STUM: variants seen among roughly 807,000 people sequenced by gnomAD.
STUM encodes the protein stum, mechanosensory transduction mediator homolog, also known as protein stum homolog.
In STUM, 8 loss-of-function variants were observed where a neutral mutation model predicts 15.3. That is an observed-to-expected ratio of 0.52 (90% confidence interval 0.31 to 0.94). The LOEUF is 0.94. Among genes scored for constraint, STUM ranks in the 40% least tolerant of loss-of-function variants. The pLI, the probability that STUM is intolerant of heterozygous loss-of-function variation, is 0.05. For synonymous variants in STUM, 78 were observed against 88.7 expected, an observed-to-expected ratio of 0.88 and a Z score of 0.68; for missense variants, 142 against 204.9, an observed-to-expected ratio of 0.69 and a Z score of 1.87.
intron 1 of STUM, among the ~76,000 whole-genome samples, chr1:226,593,134 T>C (rs368735723): frequency 2.5e-3 from 353 of 142,608 alleles, no homozygotes; most frequent in South Asian, 8.3e-3. Context: ...TGCAGTGAGC[T>C]GAGATCACAC....
At chr1:226,560,499 A>T (rs560766616) in intron 1 of STUM, among the ~76,000 whole-genome samples, 1 of 152,306 alleles carries the variant, frequency 6.6e-6, no homozygotes, top group African/African-American at 2.4e-5. Flanking sequence ...GTTTCATTTG[A>T]AAAAGAAGCA....
chr1:226,568,385 T>C (rs1392725831), intron 1 of STUM, among the ~76,000 whole-genome samples: 1 of 152,190 alleles, frequency 6.6e-6, no homozygotes. Context: ...CTCCAAGGGC[T>C]TCCCAGGCAT....
At position 226,548,910 on chromosome 1, in the gene STUM, G is replaced by C. The variant is rs1667320070; in HGVS notation, c.6G>C (p.Glu2Asp). The C allele has an allele frequency of 7.1e-7, 1 of 1,417,820 alleles. No homozygotes were observed. The highest frequency in any genetic ancestry group is 9.1e-7 in the Non-Finnish European group (1 of 1,094,096). The allele number at this position is 1,417,820 out of a possible 1,614,324, so 87.8% of individuals were successfully genotyped here. A position where few individuals can be genotyped will look rare whatever the true frequency, so the allele number is the denominator to read the frequency against. ...GCCTGAGAGCGCGCCCGGCCATGGA[G>C]CCCTCGCACAAAGACGCCGAGACGG... M[E>D]PSHKDAETAA... Residue 2 changes from glutamate (E) to aspartate (D), a missense_variant, in exon 1 of 4, where the codon GAG (glutamate) becomes GAC (aspartate). Transcript: ENST00000366788.
At position 226,548,946 on chromosome 1, in the gene STUM, G is replaced by C; in HGVS notation, c.42G>C (p.Ala14=). 1 of 1,458,688 alleles carries C rather than the reference G, an allele frequency of 6.9e-7. No homozygotes were observed. Among genetic ancestry groups the C allele is most frequent in the Non-Finnish European group, 9.0e-7 (1 of 1,110,446 alleles). The allele number at this position is 1,458,688 out of a possible 1,614,324, so 90.4% of individuals were successfully genotyped here. The change falls in exon 1 of 4, where the codon GCG becomes GCC. Residue 14 remains alanine, a synonymous_variant. Coordinates refer to ENST00000366788, the MANE Select transcript of STUM (RefSeq NM_001003665.4). ...SHKDAETAAA[A]AAVAAADPRG... The stretch of plus-strand genomic sequence containing the variant: ...AAGACGCCGAGACGGCGGCGGCGGC[G>C]GCGGCGGTGGCGGCGGCGGACCCCC...
rs1433054702 is a variant in STUM, at chr1:226,549,310, G to T, written c.202+204G>T. 6.6e-6 allele frequency among the ~76,000 whole-genome samples: 1 copy of T among 152,172 alleles called. No individual in the cohort carries two copies. Among genetic ancestry groups the T allele is most frequent in the African/African-American group, 2.4e-5 (1 of 41,460 alleles). ...CCCCAGAGGGGAGAGGCTGCGCTGG[G>T]GTCTCCGACCCGCAGGCGGGGCCCC... On this transcript the variant is annotated intron_variant, in intron 1 of 3. Coordinates refer to ENST00000366788, the MANE Select transcript of STUM (RefSeq NM_001003665.4). This position sits in a 1 kb window ranked among gnomAD's most constrained non-coding sequence, Gnocchi z 6.8.
At chr1:226,581,406 A>C (rs371284829) in intron 1 of STUM, among the ~76,000 whole-genome samples, 44 of 152,172 alleles carry the variant, frequency 2.9e-4, no homozygotes, top group African/African-American at 1.1e-3. Context: ...TTTATAACAG[A>C]ATGAAGTTTA....
intron 1 of STUM, among the ~76,000 whole-genome samples, chr1:226,587,657 C>T (rs1668018342): frequency 6.6e-6 from 1 of 152,108 alleles, no homozygotes; most frequent in Non-Finnish European, 1.5e-5. Flanking sequence ...GGGGAGAGAA[C>T]AGAGGGCCTC....
intron 1 of STUM, among the ~76,000 whole-genome samples, chr1:226,558,075 C>A (rs1667476566): frequency 6.6e-6 from 1 of 152,172 alleles, no homozygotes; most frequent in South Asian, 2.1e-4. Flanking sequence ...AGATCTGGAA[C>A]AGGACAAGGA....
chr1:226,571,233 A>AAAAACAAAACAAAACAAAAC (rs371772503), intron 1 of STUM, among the ~76,000 whole-genome samples: 1 of 151,908 alleles, frequency 6.6e-6, no homozygotes, highest in African/African-American at 2.4e-5. Flanking sequence ...GGACTGTCTC[A>AAAAACAAAACAAAACAAAAC]AAAACAAAAC....
intron 1 of STUM, among the ~76,000 whole-genome samples, chr1:226,551,829 T>C (rs747728892): frequency 1.3e-5 from 2 of 152,138 alleles, no homozygotes; most frequent in Non-Finnish European, 2.9e-5. Flanking sequence ...CAGAAATTCT[T>C]CCTGGGGGCG....
intron 1 of STUM, among the ~76,000 whole-genome samples, chr1:226,562,298 G>A (rs574830353): frequency 5.3e-5 from 8 of 151,900 alleles, no homozygotes; most frequent in South Asian, 2.1e-4. Flanking sequence ...ATGAAACCCC[G>A]TCTCTACTAA....
chr1:226,580,072 A>T lies in STUM; in HGVS notation c.203-16730A>T, dbSNP rs576105642. Among the ~76,000 whole-genome samples the T allele has an allele frequency of 6.6e-5, 10 of 152,290 alleles. No homozygotes were observed. The South Asian group carries it at 1.7e-3, about 25-fold the overall frequency. On this transcript the variant is annotated intron_variant, in intron 1 of 3. Transcript: ENST00000366788. ...CAGGCAAGAGTTGATGGGAACTTGA[A>T]CTAGGAGGCGGTGTTAGCAGAGACA...
intron 1 of STUM, among the ~76,000 whole-genome samples, chr1:226,577,845 G>GGCTGCACAGAGGAGACAGTA (rs1667845064): frequency 6.6e-6 from 1 of 152,168 alleles, no homozygotes; most frequent in African/African-American, 2.4e-5. Flanking sequence ...AGGAGACAGA[G>GGCTGCACAGAGGAGACAGTA]GCTGCACAGA....
intron 1 of STUM, among the ~76,000 whole-genome samples, chr1:226,557,037 T>A (rs1352313300): frequency 6.6e-6 from 1 of 152,188 alleles, no homozygotes; most frequent in Non-Finnish European, 1.5e-5. Context: ...ACTCTATTAT[T>A]AACTATATTT....
At chr1:226,586,353 G>A (rs969199403) in intron 1 of STUM, among the ~76,000 whole-genome samples, 32 of 152,164 alleles carry the variant, frequency 2.1e-4, no homozygotes, top group African/African-American at 5.8e-4. Flanking sequence ...GGGCAGTCTT[G>A]TTCCCAGGCT....
In STUM at chr1:226,548,910, G is replaced by T; in HGVS notation, c.6G>T (p.Glu2Asp). Residue 2 changes from glutamate to aspartate, a missense_variant, in exon 1 of 4, where the codon GAG (glutamate) becomes GAT (aspartate). Physicochemically the swap from Glu to Asp is conservative, Grantham distance 45 (BLOSUM62 2). Transcript: ENST00000366788. The part of the protein sequence containing the change: M[E>D]PSHKDAETAA... ...GCCTGAGAGCGCGCCCGGCCATGGA[G>T]CCCTCGCACAAAGACGCCGAGACGG... is the stretch of plus-strand genomic sequence containing the variant. 8 of 1,417,820 alleles carry T rather than the reference G, an allele frequency of 5.6e-6. No homozygotes were observed. In the South Asian group the frequency reaches 1.2e-4, roughly 22 times the overall value. 87.8% of individuals were successfully genotyped at this position (1,417,820 alleles called of 1,614,324 possible).
rs1667328078 is a variant in STUM at position 226,549,188 on chromosome 1, C to A, written c.202+82C>A. The A allele has an allele frequency of 2.4e-6, 3 of 1,267,936 alleles. No homozygotes were observed. The highest frequency in any genetic ancestry group is 1.4e-5 in the South Asian group (1 of 72,256). The allele number at this position is 1,267,936 out of a possible 1,614,324, so 78.5% of individuals were successfully genotyped here. A position where few individuals can be genotyped will look rare whatever the true frequency, so the allele number is the denominator to read the frequency against. ...GGGGAGAGAAGGGCGCGGCCGGAGACCTCCTGGCGGGGCCGCGCGCTCCAA... is the reference window on the plus strand; with the variant it reads ...GGGGAGAGAAGGGCGCGGCCGGAGAACTCCTGGCGGGGCCGCGCGCTCCAA... On this transcript the variant is annotated intron_variant, in intron 1 of 3. Transcript: ENST00000366788. This position sits in a 1 kb window ranked among gnomAD's most constrained non-coding sequence, Gnocchi z 6.8.
chr1:226,600,558 C>T lies in STUM; in HGVS notation c.383-108C>T, dbSNP rs1668247691. The T allele has an allele frequency of 3.6e-6, 5 of 1,372,672 alleles. No homozygotes were observed. The highest frequency in any genetic ancestry group is 5.1e-6 in the Non-Finnish European group (5 of 973,162). The allele number at this position is 1,372,672 out of a possible 1,614,324, so 85.0% of individuals were successfully genotyped here. ...TCTCCCAGGCCTCACCATGGATCTG[C>T]TTTGTTTCCTGTGCCAAGCGTTCCC... is the stretch of plus-strand genomic sequence containing the variant. On this transcript the variant is annotated intron_variant, in intron 2 of 3. Coordinates refer to ENST00000366788, the MANE Select transcript of STUM (RefSeq NM_001003665.4). The surrounding 1 kb of genome is among the most constrained non-coding windows in gnomAD (Gnocchi z 5.2).
chr1:226,589,693 G>A (rs2102707063), intron 1 of STUM, among the ~76,000 whole-genome samples: 1 of 144,048 alleles, frequency 6.9e-6, no homozygotes, highest in East Asian at 2.0e-4. Context: ...CATTTTCCTT[G>A]TGCCAGTTAG....
Sources: gnomAD v4.1 joint callset for allele counts (sites outside exome capture counted in the v4.1 genomes callset) on GRCh38, gnomAD v4.1.1 for gene constraint, Gnocchi (gnomAD v3.1) non-coding constraint, MANE v1.5 for transcripts, NCBI Gene and HGNC (gene_info 2026-07-23, HGNC 2026-07-21) for gene names.